Variants in CENPP observed in about 807,000 individuals in gnomAD.
The protein encoded by CENPP is centromere protein P.
In CENPP, 24 loss-of-function variants were observed where a neutral mutation model predicts 35.6. The observed-to-expected ratio is 0.67, with a 90% CI of 0.49 to 0.95. The LOEUF (loss-of-function observed/expected upper bound fraction) is 0.95. Among genes scored for constraint, CENPP ranks in the 40% least tolerant of loss-of-function variants. CENPP has a pLI of 0.00. For missense variants in CENPP, 332 were observed against 345.3 expected (o/e 0.96, Z 0.31); for synonymous variants, 120 against 125.5 (o/e 0.96, Z 0.29).
rs556691475 is a variant in CENPP, at chr9:92,431,590, T to TC, written c.564+51733dup. Among the ~76,000 whole-genome samples, 1,231 of 152,296 alleles carry TC rather than the reference T, an allele frequency of 8.1e-3. 8 individuals carry two copies. The highest frequency in any genetic ancestry group is 0.014 in the Non-Finnish European group (982 of 68,010). On this transcript the variant is annotated intron_variant, in intron 5 of 7. Transcript: ENST00000375587. The stretch of plus-strand genomic sequence containing the variant: ...TTTCTTTTCTTTTCTTTTCTTTTTT[T>TC]CCAAGACAGAGTCTAGCTCTGTTTC...
chr9:92,344,650 C>G (rs1841228937), intron 3 of CENPP, among the ~76,000 whole-genome samples: 2 of 151,758 alleles, frequency 1.3e-5, no homozygotes, highest in Admixed American at 1.3e-4. Flanking sequence ...TGTGCTCAAG[C>G]GATTCTCCTG....
At chr9:92,395,122 A>G (rs988059461) in intron 5 of CENPP, among the ~76,000 whole-genome samples, 13 of 152,106 alleles carry the variant, frequency 8.5e-5, no homozygotes, top group Non-Finnish European at 1.3e-4. Flanking sequence ...CACCCCCATG[A>G]AACGTTCACT....
chr9:92,555,683 G>A (rs1391981881), intron 5 of CENPP, among the ~76,000 whole-genome samples: 1 of 152,150 alleles, frequency 6.6e-6, no homozygotes, highest in East Asian at 1.9e-4. Context: ...GTGTATAGGT[G>A]TTCATAGTAG....
At chr9:92,421,902 C>T (rs1400094439) in intron 5 of CENPP, among the ~76,000 whole-genome samples, 1 of 152,038 alleles carries the variant, frequency 6.6e-6, no homozygotes, top group Non-Finnish European at 1.5e-5. Context: ...CTTACGGAGA[C>T]AGGAAAGTCT....
At chr9:92,352,453 C>G (rs1399204433) in intron 4 of CENPP, among the ~76,000 whole-genome samples, 1 of 126,620 alleles carries the variant, frequency 7.9e-6, no homozygotes, top group East Asian at 2.2e-4. Context: ...TCTCTCAAGC[C>G]TGTTGCTTAA....
At chr9:92,495,965 C>T in intron 5 of CENPP, 2 of 989,062 alleles carry the variant, frequency 2.0e-6, no homozygotes, top group Non-Finnish European at 2.4e-6. Flanking sequence ...TTTAAAGGGA[C>T]TTACAGAGTT....
chr9:92,362,562 C>T (rs2130836308), intron 4 of CENPP, among the ~76,000 whole-genome samples: 1 of 152,324 alleles, frequency 6.6e-6, no homozygotes, highest in South Asian at 2.1e-4. Context: ...AAGTTTTTCA[C>T]TCAATGAAAC....
At chr9:92,471,627 A>C (rs1431890528) in intron 5 of CENPP, among the ~76,000 whole-genome samples, 1 of 151,796 alleles carries the variant, frequency 6.6e-6, no homozygotes, top group Non-Finnish European at 1.5e-5. Context: ...ATTAGTTGTA[A>C]ATTCTTTGAT....
chr9:92,489,309 T>C (rs1846127399), intron 5 of CENPP, among the ~76,000 whole-genome samples: 1 of 152,188 alleles, frequency 6.6e-6, no homozygotes, highest in Non-Finnish European at 1.5e-5. Flanking sequence ...CTGATGGTCG[T>C]AGGGCCAGAA....
At chr9:92,389,340 T>C (rs1842573125) in intron 5 of CENPP, among the ~76,000 whole-genome samples, 1 of 152,236 alleles carries the variant, frequency 6.6e-6, no homozygotes, top group African/African-American at 2.4e-5. Flanking sequence ...ATTTAATTCT[T>C]ACTACATATA....
chr9:92,428,371 A>C (rs1339088332), intron 5 of CENPP, among the ~76,000 whole-genome samples: 1 of 152,250 alleles, frequency 6.6e-6, no homozygotes, highest in South Asian at 2.1e-4. Context: ...TTCAGGTTCC[A>C]GCATCTTTAT....
chr9:92,487,028 C>T (rs1024017084), intron 5 of CENPP, among the ~76,000 whole-genome samples: 8 of 152,256 alleles, frequency 5.3e-5, no homozygotes, highest in East Asian at 1.9e-4. Context: ...GTGATCTGCT[C>T]GCCTCGGCCT....
intron 5 of CENPP, among the ~76,000 whole-genome samples, chr9:92,413,283 G>C (rs962743592): frequency 6.6e-6 from 1 of 152,004 alleles, no homozygotes; most frequent in African/African-American, 2.4e-5. Context: ...TAATGCGCCC[G>C]ACTATATGTA....
chr9:92,496,292 A>T lies in CENPP; in HGVS notation c.565-115022A>T, dbSNP rs769235865. 3.2e-6 allele frequency: 5 copies of T among 1,561,100 alleles called. No homozygotes were observed. The African/African-American group carries it at 5.6e-5, about 17-fold the overall frequency. On this transcript the variant is annotated intron_variant, in intron 5 of 7. Transcript: ENST00000375587. ...CTACAAATACATGAGTAAAGTTTAT[A>T]AACAGCAAAGGAAAACTTGGAATTA...
intron 5 of CENPP, among the ~76,000 whole-genome samples, chr9:92,557,221 T>A (rs1007580842): frequency 2.0e-5 from 3 of 152,238 alleles, no homozygotes; most frequent in African/African-American, 7.2e-5. Flanking sequence ...CTTTGTAGGT[T>A]ACCTGGTGCT....
In CENPP at chr9:92,496,252, T is replaced by C. The variant is rs1004908299; in HGVS notation, c.565-115062T>C. On this transcript the variant is annotated intron_variant, in intron 5 of 7. Transcript: ENST00000375587. ...AGGAGGATTATGTCTCTCTTATTAA[T>C]GACAAATGCAGCTACTACAAATACA... The C allele has an allele frequency of 4.0e-6, 6 of 1,510,820 alleles. No individual in the cohort carries two copies. The African/African-American group carries it at 8.5e-5, about 21-fold the overall frequency. The allele number at this position is 1,510,820 out of a possible 1,614,324, so 93.6% of individuals were successfully genotyped here.
At chr9:92,474,767 T>G (rs139505803) in intron 5 of CENPP, 1 of 1,613,264 alleles carries the variant, frequency 6.2e-7, no homozygotes, top group African/African-American at 1.3e-5. Context: ...ATCATCATCA[T>G]CATCATCATC....
At position 92,613,315 on chromosome 9, in the gene CENPP, TACA is replaced by T; in HGVS notation, c.*169_*171del. ...AAACTCTCATGACATGAAAAATAAA[TACA>T]ACTAGTTAAGTATAAAATGCCAAAT... On this transcript the variant is annotated 3_prime_UTR_variant, in exon 8 of 8. Coordinates refer to ENST00000375587, the MANE Select transcript of CENPP (RefSeq NM_001012267.3). The T allele has an allele frequency of 5.8e-6, 4 of 692,780 alleles. No homozygotes were observed. The highest frequency in any genetic ancestry group is 9.5e-6 in the Non-Finnish European group (4 of 421,514). 42.9% of individuals were successfully genotyped at this position (692,780 alleles called of 1,614,324 possible). A position where few individuals can be genotyped will look rare whatever the true frequency, so the allele number is the denominator to read the frequency against.
chr9:92,341,597 G>C (rs1841122044), intron 3 of CENPP: 1 of 152,228 alleles, frequency 6.6e-6, no homozygotes, highest in African/African-American at 2.4e-5. Flanking sequence ...AGACATTTCT[G>C]ATAATGTGAT....
Sources: gnomAD v4.1 joint callset for allele counts (sites outside exome capture counted in the v4.1 genomes callset) on GRCh38, gnomAD v4.1.1 for gene constraint, MANE v1.5 for transcripts, NCBI Gene and HGNC (gene_info 2026-07-23, HGNC 2026-07-21) for gene names.